Variants in GRIK2 observed in about 807,000 individuals in gnomAD.
The protein encoded by GRIK2 is glutamate receptor ionotropic, kainate 2.
GRIK2 carries 32 observed loss-of-function variants against 100.3 expected under a neutral mutation model. The ratio of observed to expected loss-of-function variants is 0.32; its 90% CI spans 0.24 to 0.43. The LOEUF (loss-of-function observed/expected upper bound fraction) is 0.43, where lower values mean the gene tolerates loss of function less well. GRIK2 is among the 20% of genes least tolerant of loss of function. The pLI, the probability that GRIK2 is intolerant of heterozygous loss-of-function variation, is 1.00. For missense variants in GRIK2, 843 were observed against 1,114.9 expected, an observed-to-expected ratio of 0.76 and a Z score of 3.47; for synonymous variants, 417 against 389.4, an observed-to-expected ratio of 1.07 and a Z score of -0.83.
intron 13 of GRIK2, chr6:101,928,020 T>C (rs1441496388): frequency 5.8e-6 from 1 of 171,442 alleles, no homozygotes; most frequent in Non-Finnish European, 1.3e-5. Flanking sequence ...TCCAAAAGTA[T>C]ATTTAAGCAC....
intron 13 of GRIK2, among the ~76,000 whole-genome samples, chr6:101,926,976 C>T (rs1356363516): frequency 6.6e-6 from 1 of 152,110 alleles, no homozygotes; most frequent in Non-Finnish European, 1.5e-5. Flanking sequence ...AATAGGCAGC[C>T]AATGCTGCTC....
intron 1 of GRIK2, among the ~76,000 whole-genome samples, chr6:101,395,503 G>T (rs1279517164): frequency 6.6e-6 from 1 of 152,138 alleles, no homozygotes; most frequent in Non-Finnish European, 1.5e-5. Flanking sequence ...TAAATGTTGT[G>T]CTATAAAGAT....
At chr6:101,487,149 G>A (rs1332562256) in intron 2 of GRIK2, among the ~76,000 whole-genome samples, 1 of 146,558 alleles carries the variant, frequency 6.8e-6, no homozygotes. Context: ...TGTCCCAAAT[G>A]TTTAGTAATA....
intron 4 of GRIK2, among the ~76,000 whole-genome samples, chr6:101,657,199 T>C (rs1389955433): frequency 6.6e-6 from 1 of 152,226 alleles, no homozygotes; most frequent in Non-Finnish European, 1.5e-5. Flanking sequence ...AATTCTCATG[T>C]GTCTGGGCAG....
At chr6:101,796,740 C>G (rs1030802288) in intron 7 of GRIK2, among the ~76,000 whole-genome samples, 4 of 152,132 alleles carry the variant, frequency 2.6e-5, no homozygotes, top group African/African-American at 7.2e-5. Context: ...AGACAGTAGT[C>G]TCACCATTTT....
chr6:101,916,229 T>G (rs1465822736), intron 12 of GRIK2, among the ~76,000 whole-genome samples: 6 of 151,520 alleles, frequency 4.0e-5, no homozygotes, highest in Non-Finnish European at 1.5e-5. Flanking sequence ...AAAATAACAT[T>G]TATTCCATAA....
intron 10 of GRIK2, among the ~76,000 whole-genome samples, chr6:101,822,723 T>C (rs762956776): frequency 2.0e-5 from 3 of 152,004 alleles, no homozygotes; most frequent in Non-Finnish European, 4.4e-5. Flanking sequence ...CATTACTTAT[T>C]TATAGTATTA....
intron 10 of GRIK2, among the ~76,000 whole-genome samples, chr6:101,852,498 CG>C (rs1562439527): frequency 2.6e-5 from 4 of 152,192 alleles, no homozygotes; most frequent in African/African-American, 9.6e-5. Flanking sequence ...CAGAACAATT[CG>C]TTTCTATTCA....
chr6:101,402,379 C>A (rs1293731802), intron 2 of GRIK2, among the ~76,000 whole-genome samples: 2 of 152,198 alleles, frequency 1.3e-5, no homozygotes, highest in African/African-American at 2.4e-5. Context: ...CAGTTACACC[C>A]AGGAGCGTCT....
At chr6:101,947,833 C>T (rs1791371325) in intron 14 of GRIK2, among the ~76,000 whole-genome samples, 1 of 152,106 alleles carries the variant, frequency 6.6e-6, no homozygotes, top group Non-Finnish European at 1.5e-5. Context: ...ATCCTGAGCA[C>T]CTACATCGAC....
chr6:101,542,593 A>G (rs1776053197), intron 2 of GRIK2, among the ~76,000 whole-genome samples: 1 of 152,154 alleles, frequency 6.6e-6, no homozygotes, highest in South Asian at 2.1e-4. Context: ...TATAGTTTGT[A>G]GTATTTAAAA....
chr6:101,760,618 T>C (rs1169545791), intron 7 of GRIK2, among the ~76,000 whole-genome samples: 1 of 109,192 alleles, frequency 9.2e-6, no homozygotes, highest in Non-Finnish European at 1.7e-5. Context: ...TTATATTTAA[T>C]TATATGTTTA....
intron 2 of GRIK2, among the ~76,000 whole-genome samples, chr6:101,595,712 GTGTGTGTATATATATA>G (rs1323109417): frequency 1.5e-5 from 2 of 131,512 alleles, no homozygotes; most frequent in African/African-American, 3.0e-5. Context: ...GTGTGTGTGT[GTGTGTGTATATATATA>G]TATATATATA....
At chr6:101,408,119 G>A (rs757889996) in intron 2 of GRIK2, among the ~76,000 whole-genome samples, 2 of 152,124 alleles carry the variant, frequency 1.3e-5, no homozygotes, top group Non-Finnish European at 2.9e-5. Context: ...TGTAGCCACT[G>A]GAAAGCAATT....
At position 101,507,251 on chromosome 6, in the gene GRIK2, T is replaced by G. The variant is rs9485505; in HGVS notation, c.115+107859T>G. Among the ~76,000 whole-genome samples, 825 of 152,272 alleles carry G rather than the reference T, an allele frequency of 5.4e-3. 7 individuals carry two copies. The highest frequency in any genetic ancestry group is 0.019 in the African/African-American group (785 of 41,578). The stretch of plus-strand genomic sequence containing the variant: ...TTAACCAAAAATATAGCTACTTTAA[T>G]TTAGAGCACTTGATTTTAATAGATG... On this transcript the variant is annotated intron_variant, in intron 2 of 16. Transcript: ENST00000369134.
chr6:102,010,586 C>T (rs1795481341), intron 14 of GRIK2, among the ~76,000 whole-genome samples: 1 of 151,908 alleles, frequency 6.6e-6, no homozygotes, highest in Non-Finnish European at 1.5e-5. Flanking sequence ...TGGGTTTCAC[C>T]ATGTTAGCCA....
intron 2 of GRIK2, among the ~76,000 whole-genome samples, chr6:101,514,874 G>A (rs896931442): frequency 1.3e-5 from 2 of 152,084 alleles, no homozygotes; most frequent in Non-Finnish European, 2.9e-5. Context: ...TCCTGAAAGA[G>A]GGTAGAACAG....
chr6:101,400,233 T>C (rs1256981809), intron 2 of GRIK2, among the ~76,000 whole-genome samples: 9 of 152,198 alleles, frequency 5.9e-5, no homozygotes, highest in Admixed American at 4.6e-4. Context: ...CATTTTTTTA[T>C]GGAAATGTAT....
intron 7 of GRIK2, among the ~76,000 whole-genome samples, chr6:101,698,402 CG>C: frequency 6.6e-6 from 1 of 152,114 alleles, no homozygotes; most frequent in East Asian, 1.9e-4. Context: ...ATTTGCCTAA[CG>C]GATATTAGGA....
Sources: allele counts gnomAD v4.1 joint callset (sites outside exome capture counted in the v4.1 genomes callset), GRCh38; gene constraint gnomAD v4.1.1; transcripts MANE v1.5; gene names NCBI Gene and HGNC (gene_info 2026-07-23, HGNC 2026-07-21).